The following GRM7 variants were observed in gnomAD, a reference collection of about 807,000 sequenced individuals.
GRM7 encodes the protein metabotropic glutamate receptor 7.
In GRM7, 35 loss-of-function variants were observed where a neutral mutation model predicts 84.5. The observed-to-expected ratio is 0.41, with a 90% CI of 0.32 to 0.55. The LOEUF is 0.55. GRM7 is among the 20% of genes least tolerant of loss of function. The probability of loss-of-function intolerance (pLI) is 0.19; values close to 1 mark genes in which losing one functional copy is unlikely to be tolerated. For missense variants in GRM7, 1,003 were observed against 1,194.6 expected, an observed-to-expected ratio of 0.84 and a Z score of 2.36; for synonymous variants, 487 against 455.1, an observed-to-expected ratio of 1.07 and a Z score of -0.89.
At chr3:6,902,030 CT>C (rs1353602409) in intron 1 of GRM7, among the ~76,000 whole-genome samples, 19 of 152,060 alleles carry the variant, frequency 1.2e-4, no homozygotes, top group African/African-American at 4.3e-4. Flanking sequence ...TTTCCTTGAG[CT>C]TAAACTGAGA....
intron 7 of GRM7, among the ~76,000 whole-genome samples, chr3:7,555,567 A>C (rs112620151): frequency 0.028 from 4,302 of 152,332 alleles, 86 homozygotes; most frequent in Non-Finnish European, 0.041. Flanking sequence ...TTTAGTCCTA[A>C]CAATTCTGTG....
At chr3:7,276,737 GTTTC>G (rs1441412941) in intron 2 of GRM7, among the ~76,000 whole-genome samples, 14 of 75,824 alleles carry the variant, frequency 1.8e-4, no homozygotes, top group Non-Finnish European at 3.7e-4. Context: ...AGCAACTCCT[GTTTC>G]TTTCTGTTTC....
chr3:7,636,650 C>T (rs1045968415), intron 8 of GRM7, among the ~76,000 whole-genome samples: 3 of 152,266 alleles, frequency 2.0e-5, no homozygotes, highest in African/African-American at 7.2e-5. Context: ...TTAGAGAATC[C>T]TCGGATCACA....
intron 8 of GRM7, among the ~76,000 whole-genome samples, chr3:7,662,252 A>T (rs1699495131): frequency 6.6e-6 from 1 of 152,186 alleles, no homozygotes; most frequent in Admixed American, 6.5e-5. Flanking sequence ...GAAAGGAGTG[A>T]GGGAGAAATA....
At chr3:7,598,478 C>A (rs1161341889) in intron 8 of GRM7, among the ~76,000 whole-genome samples, 4 of 152,178 alleles carry the variant, frequency 2.6e-5, no homozygotes, top group African/African-American at 9.7e-5. Context: ...AGCAAAGATA[C>A]AATGACTGAC....
chr3:7,262,185 T>A (rs1234556345), intron 2 of GRM7, among the ~76,000 whole-genome samples: 1 of 152,036 alleles, frequency 6.6e-6, no homozygotes, highest in Non-Finnish European at 1.5e-5. Flanking sequence ...TTGGGAAAGT[T>A]CTCATGAATG....
At position 7,592,213 on chromosome 3, in the gene GRM7, A is replaced by C. The variant is rs115591339; in HGVS notation, c.2451+12856A>C. ...TTCTAGTAGCCAGAGACAGACTTTA[A>C]ATGAATAAATGAAATATAAGGAGAA... On this transcript the variant is annotated intron_variant, in intron 8 of 9. Coordinates refer to ENST00000357716, the MANE Select transcript of GRM7 (RefSeq NM_000844.4). 2.3e-3 allele frequency among the ~76,000 whole-genome samples: 357 copies of C among 152,334 alleles called. 1 individual carries two copies. Among genetic ancestry groups the C allele is most frequent in the African/African-American group, 8.1e-3 (337 of 41,584 alleles).
At chr3:7,539,059 A>G (rs1423723496) in intron 7 of GRM7, among the ~76,000 whole-genome samples, 1 of 152,154 alleles carries the variant, frequency 6.6e-6, no homozygotes, top group African/African-American at 2.4e-5. Context: ...ATGGACCTCT[A>G]AAATTAACTT....
In GRM7 at chr3:7,182,292, C is replaced by T. The variant is rs115791438; in HGVS notation, c.736+35624C>T. Among the ~76,000 whole-genome samples, 603 of 152,222 alleles carry T rather than the reference C, an allele frequency of 4.0e-3. 3 individuals carry two copies. Among genetic ancestry groups the T allele is most frequent in the African/African-American group, 0.014 (566 of 41,536 alleles). On this transcript the variant is annotated intron_variant, in intron 2 of 9. Coordinates refer to ENST00000357716, the MANE Select transcript of GRM7 (RefSeq NM_000844.4). ...TTGAGATAGCCTTAAGCATTTCACTCATTAATATGCCAGTATTCAAGCATT... is the reference window on the plus strand; with the variant it reads ...TTGAGATAGCCTTAAGCATTTCACTTATTAATATGCCAGTATTCAAGCATT...
At chr3:6,947,758 C>G (rs1698144289) in intron 1 of GRM7, among the ~76,000 whole-genome samples, 1 of 152,132 alleles carries the variant, frequency 6.6e-6, no homozygotes, top group Admixed American at 6.5e-5. Context: ...TTCAGAGATT[C>G]AACTTCTTCC....
intron 1 of GRM7, among the ~76,000 whole-genome samples, chr3:7,001,759 T>G (rs1695022114): frequency 6.6e-6 from 1 of 152,212 alleles, no homozygotes. Context: ...GACAAACTCT[T>G]TGAATGAAAA....
intron 2 of GRM7, among the ~76,000 whole-genome samples, chr3:7,221,627 A>G (rs1018213826): frequency 1.3e-5 from 2 of 151,348 alleles, no homozygotes; most frequent in African/African-American, 4.8e-5. Context: ...TCTTTTTTAT[A>G]CTTCTTTTCA....
chr3:7,078,308 C>T (rs1241849931), intron 1 of GRM7, among the ~76,000 whole-genome samples: 1 of 152,216 alleles, frequency 6.6e-6, no homozygotes, highest in Non-Finnish European at 1.5e-5. Context: ...ACCACAGGCC[C>T]TGCCTAAGGC....
chr3:7,585,593 C>A (rs1357070571), intron 8 of GRM7, among the ~76,000 whole-genome samples: 1 of 152,152 alleles, frequency 6.6e-6, no homozygotes, highest in East Asian at 1.9e-4. Context: ...AAGAGAAATT[C>A]CTGCTAAAAG....
At chr3:6,986,901 G>C (rs1694433438) in intron 1 of GRM7, among the ~76,000 whole-genome samples, 1 of 152,180 alleles carries the variant, frequency 6.6e-6, no homozygotes, top group Non-Finnish European at 1.5e-5. Flanking sequence ...TATCAGCATA[G>C]TACCTGTTAC....
intron 4 of GRM7, among the ~76,000 whole-genome samples, chr3:7,402,061 C>G (rs576841795): frequency 5.3e-5 from 8 of 151,954 alleles, no homozygotes; most frequent in Admixed American, 4.6e-4. Context: ...TCTTTTTTTT[C>G]TAGGACTCTA....
chr3:7,653,808 C>T (rs113942525), intron 8 of GRM7, among the ~76,000 whole-genome samples: 83 of 152,290 alleles, frequency 5.5e-4, no homozygotes, highest in African/African-American at 1.8e-3. Flanking sequence ...CTCCTTTGAG[C>T]GTCACCTTGA....
rs1435880887 is a variant in GRM7 at position 7,625,170 on chromosome 3, GAA to G, written c.2451+45815_2451+45816del. ...ATCGCTGGTAATGGAATCAAGGAGA[GAA>G]ACTCTTTAGAACACTCTGGTAGCTG... On this transcript the variant is annotated intron_variant, in intron 8 of 9. Transcript: ENST00000357716. 9.9e-5 allele frequency among the ~76,000 whole-genome samples: 15 copies of G among 152,280 alleles called. No homozygotes were observed. In the South Asian group the frequency reaches 3.1e-3, roughly 32 times the overall value.
chr3:7,450,894 C>A (rs930688998), intron 5 of GRM7, among the ~76,000 whole-genome samples: 1 of 151,958 alleles, frequency 6.6e-6, no homozygotes, highest in Admixed American at 6.6e-5. Context: ...TTGGGAAATT[C>A]TGAATTTCCC....
Sources: allele counts gnomAD v4.1 joint callset (sites outside exome capture counted in the v4.1 genomes callset), GRCh38; gene constraint gnomAD v4.1.1; transcripts MANE v1.5; gene names NCBI Gene and HGNC (gene_info 2026-07-23, HGNC 2026-07-21).